The following ZSCAN5A variants were observed in gnomAD, a reference collection of about 807,000 sequenced individuals.
ZSCAN5A encodes the protein zinc finger and SCAN domain containing 5A.
A neutral mutation model predicts 23.7 loss-of-function variants in ZSCAN5A; 12 were observed. The ratio of observed to expected loss-of-function variants is 0.51; its 90% CI spans 0.32 to 0.82. The LOEUF (loss-of-function observed/expected upper bound fraction) is 0.82, where lower values mean the gene tolerates loss of function less well. ZSCAN5A is among the 40% of genes least tolerant of loss of function. ZSCAN5A has a pLI of 0.03. For missense variants in ZSCAN5A, 597 were observed against 617.9 expected, an observed-to-expected ratio of 0.97 and a Z score of 0.36; for synonymous variants, 257 against 239.9, an observed-to-expected ratio of 1.07 and a Z score of -0.66.
intron 1 of ZSCAN5A, among the ~76,000 whole-genome samples, 154 bp from the exon 2 acceptor site, chr19:56,313,538 T>C (rs2041173724): frequency 6.6e-6 from 1 of 152,222 alleles, no homozygotes; most frequent in Non-Finnish European, 1.5e-5. Context: ...AGCCAAACCA[T>C]ATCAGAAGAG....
At chr19:56,260,632 T>C (rs1283018935) in intron 2 of ZSCAN5A, among the ~76,000 whole-genome samples, 3 of 152,140 alleles carry the variant, frequency 2.0e-5, no homozygotes, top group Non-Finnish European at 4.4e-5. Flanking sequence ...TGCAATTTTA[T>C]TGTATTTAGG....
intron 2 of ZSCAN5A, among the ~76,000 whole-genome samples, chr19:56,312,954 C>T (rs954778361): frequency 3.3e-5 from 5 of 152,292 alleles, no homozygotes; most frequent in African/African-American, 4.8e-5. Flanking sequence ...TGCTTGTTAG[C>T]GCCAGTTACT....
chr19:56,268,875 T>G (rs1163271471), intron 2 of ZSCAN5A, among the ~76,000 whole-genome samples: 1 of 152,252 alleles, frequency 6.6e-6, no homozygotes, highest in Non-Finnish European at 1.5e-5. Flanking sequence ...AATGGAATCA[T>G]ACACTAGGTA....
chr19:56,221,434 C>T lies in ZSCAN5A; in HGVS notation c.*141G>A. The T allele has an allele frequency of 9.8e-7, 1 of 1,020,126 alleles. No homozygotes were observed. Among genetic ancestry groups the T allele is most frequent in the South Asian group, 1.9e-5 (1 of 51,544 alleles). The allele number at this position is 1,020,126 out of a possible 1,614,324, so 63.2% of individuals were successfully genotyped here. The stretch of plus-strand genomic sequence containing the variant: ...TCAGTGGGGAGGACACATATTTACT[C>T]AAACATCCTGGCAATTCATATCTAG... On this transcript the variant is annotated 3_prime_UTR_variant, in exon 6 of 6. Transcript: ENST00000683990.
chr19:56,351,159 T>C lies in ZSCAN5A; in HGVS notation c.-358+12076A>G, dbSNP rs935970076. 6.6e-6 allele frequency among the ~76,000 whole-genome samples: 1 copy of C among 152,098 alleles called. No individual in the cohort carries two copies. The highest frequency in any genetic ancestry group is 1.5e-5 in the Non-Finnish European group (1 of 68,028). ...TAAGGGTAAAGGTTCTTGGTGAAAATTTTCCTGTAATAAGAAATCTCTTTT... is the reference window on the plus strand; with the variant it reads ...TAAGGGTAAAGGTTCTTGGTGAAAACTTTCCTGTAATAAGAAATCTCTTTT... On this transcript the variant is annotated intron_variant, in intron 2 of 6. Transcript: ENST00000587340. The surrounding 1 kb of genome is among the most constrained non-coding windows in gnomAD (Gnocchi z 4.8).
At chr19:56,327,272 G>A (rs952970311) in intron 2 of ZSCAN5A, among the ~76,000 whole-genome samples, 6 of 151,226 alleles carry the variant, frequency 4.0e-5, no homozygotes, top group Non-Finnish European at 8.8e-5. Context: ...GCATCCCACC[G>A]CACCTGGCTA....
rs1416091340 is a variant in ZSCAN5A at position 56,302,532 on chromosome 19, C to T, written c.-128+10751G>A. Among the ~76,000 whole-genome samples, 9 of 26,662 alleles carry T rather than the reference C, an allele frequency of 3.4e-4. No homozygotes were observed. The South Asian group carries it at 5.1e-3, about 15-fold the overall frequency. The allele number at this position is 26,662 out of a possible 152,430, so 17.5% of individuals were successfully genotyped here. A position where few individuals can be genotyped will look rare whatever the true frequency, so the allele number is the denominator to read the frequency against. On this transcript the variant is annotated intron_variant, in intron 2 of 5. Transcript: ENST00000683990. ...TTCTTTCCTTCCTCCCTCCCTCCCTCTTCTTCCTCCCCGTTCCTCCCTCCC... is the reference window on the plus strand; with the variant it reads ...TTCTTTCCTTCCTCCCTCCCTCCCTTTTCTTCCTCCCCGTTCCTCCCTCCC...
intron 2 of ZSCAN5A, among the ~76,000 whole-genome samples, chr19:56,305,760 G>C (rs2040647009): frequency 6.6e-6 from 1 of 152,178 alleles, no homozygotes; most frequent in Non-Finnish European, 1.5e-5. Flanking sequence ...TGATGAAAAA[G>C]AGAACTAAAG....
intron 2 of ZSCAN5A, among the ~76,000 whole-genome samples, chr19:56,230,291 G>A (rs543407835): frequency 4.6e-4 from 70 of 152,110 alleles, no homozygotes; most frequent in African/African-American, 1.6e-3. Context: ...TTACCATCTT[G>A]CCCAGGCTGG....
At chr19:56,263,529 A>G (rs1479505697) in intron 2 of ZSCAN5A, 1 of 152,186 alleles carries the variant, frequency 6.6e-6, no homozygotes, top group African/African-American at 2.4e-5. Context: ...ACCAGTCCCA[A>G]GTGGCTTTGA....
At chr19:56,248,049 C>A (rs548465272) in intron 2 of ZSCAN5A, among the ~76,000 whole-genome samples, 10 of 152,148 alleles carry the variant, frequency 6.6e-5, no homozygotes, top group African/African-American at 2.4e-4. Flanking sequence ...AAAAACGGAG[C>A]CTTCTGATTG....
rs757517666 is a variant in ZSCAN5A at position 56,221,634 on chromosome 19, T to C, written c.1432A>G (p.Ser478Gly). ...YKCSKCPRAFSRLKLLRRHQK... is the reference protein window; with the variant it reads ...YKCSKCPRAFGRLKLLRRHQK... ...TGGCGTCTTAACAATTTCAGCCGAC[T>C]GAAGGCTCTTGGACACTTGGAACAT... Residue 478 changes from serine (S) to glycine (G), a missense_variant, in exon 6 of 6, where the codon AGT becomes GGT. Transcript: ENST00000683990. The C allele has an allele frequency of 7.4e-5, 119 of 1,612,870 alleles. No individual in the cohort carries two copies. The highest frequency in any genetic ancestry group is 1.8e-4 in the East Asian group (8 of 44,894).
At chr19:56,342,703 C>G (rs928887277) in intron 2 of ZSCAN5A, 3 of 635,332 alleles carry the variant, frequency 4.7e-6, no homozygotes, top group Non-Finnish European at 8.7e-6. Flanking sequence ...AACTATACAT[C>G]TGTTTTTCCT....
chr19:56,346,818 C>T (rs1489193485), intron 2 of ZSCAN5A, among the ~76,000 whole-genome samples: 8 of 152,114 alleles, frequency 5.3e-5, no homozygotes, highest in South Asian at 4.1e-4. Flanking sequence ...ACGCCATTCT[C>T]CTGGGTTCAC....
intron 2 of ZSCAN5A, chr19:56,302,051 A>G (rs528110023): frequency 5.8e-5 from 71 of 1,231,992 alleles, no homozygotes; most frequent in Non-Finnish European, 6.8e-5. Flanking sequence ...ATGCGCCTAC[A>G]TGGTGATGAC....
intron 2 of ZSCAN5A, among the ~76,000 whole-genome samples, chr19:56,231,248 CAAAAAAGATAAGT>C (rs1187017767): frequency 2.0e-5 from 3 of 151,950 alleles, no homozygotes; most frequent in Non-Finnish European, 4.4e-5. Flanking sequence ...TCCCCTCATA[CAAAAAAGATAAGT>C]ATGCAAGTCA....
In ZSCAN5A at chr19:56,313,295, C is replaced by T. The variant is rs1186336270; in HGVS notation, c.-140G>A. 5 of 342,420 alleles carry T rather than the reference C, an allele frequency of 1.5e-5. No homozygotes were observed. The highest frequency in any genetic ancestry group is 2.9e-5 in the Non-Finnish European group (5 of 173,174). 21.2% of individuals were successfully genotyped at this position (342,420 alleles called of 1,614,324 possible). ...TTAATGGACTTACAGTTTCACGTGG[C>T]TGGGGAGGCCTCACAATCATGGCAG... On this transcript the variant is annotated 5_prime_UTR_variant, in exon 2 of 6. Coordinates refer to ENST00000683990, the MANE Select transcript of ZSCAN5A (RefSeq NM_001322064.3).
chr19:56,298,585 G>A (rs1042077712), intron 2 of ZSCAN5A, among the ~76,000 whole-genome samples: 10 of 151,672 alleles, frequency 6.6e-5, no homozygotes, highest in South Asian at 4.2e-4. Flanking sequence ...CCTGGGAGGC[G>A]GAAGCTGCAG....
chr19:56,221,710 C>T lies in ZSCAN5A; in HGVS notation c.1356G>A (p.Arg452=), dbSNP rs778748709. 34 of 1,614,046 alleles carry T rather than the reference C, an allele frequency of 2.1e-5. No homozygotes were observed. Among genetic ancestry groups the T allele is most frequent in the African/African-American group, 4.0e-5 (3 of 74,908 alleles). The change falls in exon 6 of 6, where the codon AGG becomes AGA. Residue 452 remains arginine, a synonymous_variant. Coordinates refer to ENST00000683990, the MANE Select transcript of ZSCAN5A (RefSeq NM_001322064.3). The part of the protein sequence containing the change: ...CKDCKKVFTY[R]GSLKEHQRIH... ...TGCGCTGGTGCTCCTTCAGGCTCCC[C>T]CTGTAGGTGAAAACTTTCTTGCAGT...
Sources: allele counts gnomAD v4.1 joint callset (sites outside exome capture counted in the v4.1 genomes callset), GRCh38; gene constraint gnomAD v4.1.1; non-coding constraint Gnocchi (gnomAD v3.1); transcripts MANE v1.5; gene names NCBI Gene and HGNC (gene_info 2026-07-23, HGNC 2026-07-21).